Variants in AGBL4 observed in about 807,000 individuals in gnomAD.
The protein encoded by AGBL4 is cytosolic carboxypeptidase 6.
In AGBL4, 58 loss-of-function variants were observed where a neutral mutation model predicts 66.4. The ratio of observed to expected loss-of-function variants is 0.87; its 90% CI spans 0.71 to 1.09. AGBL4 has a LOEUF of 1.09. Among genes scored for constraint, AGBL4 ranks in the 50% least tolerant of loss-of-function variants. The probability of loss-of-function intolerance (pLI) is 0.00; values close to 1 mark genes in which losing one functional copy is unlikely to be tolerated. For missense variants in AGBL4, 579 were observed against 631.0 expected (o/e 0.92, Z 0.88); for synonymous variants, 234 against 222.9 (o/e 1.05, Z -0.44).
At chr1:48,777,258 A>G (rs1447448279) in intron 6 of AGBL4, among the ~76,000 whole-genome samples, 2 of 152,292 alleles carry the variant, frequency 1.3e-5, no homozygotes. Flanking sequence ...TGCTTCAACA[A>G]TCGCGCTGCC....
At chr1:49,851,294 T>A in intron 2 of AGBL4, 102 bp downstream of exon 2, 2 of 1,252,446 alleles carry the variant, frequency 1.6e-6, no homozygotes, top group Non-Finnish European at 2.1e-6. Context: ...TGTGAAATAT[T>A]AAATGAGTTG....
At chr1:49,591,640 A>C in intron 3 of AGBL4, among the ~76,000 whole-genome samples, 1 of 152,200 alleles carries the variant, frequency 6.6e-6, no homozygotes, top group African/African-American at 2.4e-5. Context: ...GGCAATTCTA[A>C]GCAAAAATAA....
intron 3 of AGBL4, among the ~76,000 whole-genome samples, chr1:49,630,626 T>C (rs1197229899): frequency 6.6e-6 from 1 of 152,196 alleles, no homozygotes; most frequent in Non-Finnish European, 1.5e-5. Flanking sequence ...CTAGCCTGTT[T>C]AATCAATCAC....
chr1:48,946,969 A>G (rs1421667954), intron 5 of AGBL4, among the ~76,000 whole-genome samples: 1 of 152,194 alleles, frequency 6.6e-6, no homozygotes, highest in African/African-American at 2.4e-5. Flanking sequence ...TCTGCATCTC[A>G]GAGTCTAAAC....
chr1:50,008,861 C>T (rs1661326300), intron 1 of AGBL4, among the ~76,000 whole-genome samples: 1 of 151,972 alleles, frequency 6.6e-6, no homozygotes, highest in South Asian at 2.1e-4. Flanking sequence ...CATTAGAGGC[C>T]ATCATGACCA....
intron 4 of AGBL4, among the ~76,000 whole-genome samples, chr1:49,234,193 C>G (rs1650538570): frequency 1.3e-5 from 2 of 152,116 alleles, no homozygotes; most frequent in Non-Finnish European, 1.5e-5. Context: ...TTGGCCTACC[C>G]AAACATAGGC....
At chr1:49,677,350 T>C (rs896792672) in intron 3 of AGBL4, among the ~76,000 whole-genome samples, 1 of 152,172 alleles carries the variant, frequency 6.6e-6, no homozygotes, top group Admixed American at 6.6e-5. Context: ...TCAACTGATA[T>C]GATCATGTGA....
chr1:49,812,325 T>C (rs1357323208), intron 2 of AGBL4, among the ~76,000 whole-genome samples: 5 of 152,146 alleles, frequency 3.3e-5, no homozygotes, highest in East Asian at 1.9e-4. Flanking sequence ...GAAATATCCA[T>C]AGGGATCCCT....
chr1:49,751,969 CTT>C (rs561445229), intron 2 of AGBL4, among the ~76,000 whole-genome samples: 4 of 141,948 alleles, frequency 2.8e-5, no homozygotes, highest in Non-Finnish European at 3.1e-5. Context: ...TCTCTCTTTT[CTT>C]TTTTTTTTTT....
chr1:50,010,776 T>A (rs773880360), intron 1 of AGBL4, among the ~76,000 whole-genome samples: 7 of 152,098 alleles, frequency 4.6e-5, no homozygotes, highest in Non-Finnish European at 8.8e-5. Context: ...TGCAGAAAAA[T>A]AAAACTAGAC....
chr1:49,650,355 T>G (rs533400459), intron 3 of AGBL4, among the ~76,000 whole-genome samples: 4 of 152,280 alleles, frequency 2.6e-5, no homozygotes, highest in African/African-American at 9.6e-5. Flanking sequence ...TGAGAGTGTT[T>G]CTTTGCTCCC....
rs1308828663 is a variant in AGBL4, at chr1:49,298,882, A to T, written c.283-53018T>A. On this transcript the variant is annotated intron_variant, in intron 3 of 13. Transcript: ENST00000371839. ...TCTCTGCCTTAGTCTGACATTCATGATCCTCTGCAATCTAGCCACTCGTAT... is the reference window on the plus strand; with the variant it reads ...TCTCTGCCTTAGTCTGACATTCATGTTCCTCTGCAATCTAGCCACTCGTAT... 2.0e-5 allele frequency among the ~76,000 whole-genome samples: 3 copies of T among 152,136 alleles called. No homozygotes were observed. The East Asian group carries it at 5.8e-4, about 29-fold the overall frequency.
chr1:49,760,519 C>A (rs1652225818), intron 2 of AGBL4, among the ~76,000 whole-genome samples: 1 of 152,100 alleles, frequency 6.6e-6, no homozygotes, highest in African/African-American at 2.4e-5. Flanking sequence ...AGTCAGGAAA[C>A]AATAGATGCT....
chr1:49,192,442 G>C (rs1647139166), intron 4 of AGBL4, among the ~76,000 whole-genome samples: 1 of 152,168 alleles, frequency 6.6e-6, no homozygotes, highest in African/African-American at 2.4e-5. Context: ...GGGATTATAG[G>C]CACACGCCAC....
intron 3 of AGBL4, among the ~76,000 whole-genome samples, chr1:49,603,498 C>G (rs1645000925): frequency 2.6e-5 from 4 of 151,020 alleles, no homozygotes; most frequent in Non-Finnish European, 2.9e-5. Context: ...GCACTCCAGC[C>G]TGGGCGACAG....
intron 1 of AGBL4, among the ~76,000 whole-genome samples, chr1:49,998,034 A>G (rs759343828): frequency 1.1e-4 from 17 of 152,034 alleles, no homozygotes; most frequent in Non-Finnish European, 2.2e-4. Context: ...CACATCTCAC[A>G]GAACTAGAGA....
At chr1:48,813,312 T>A (rs1646100267) in intron 6 of AGBL4, among the ~76,000 whole-genome samples, 1 of 152,138 alleles carries the variant, frequency 6.6e-6, no homozygotes, top group East Asian at 1.9e-4. Context: ...CATATTGTTT[T>A]AGAGAAATAC....
intron 1 of AGBL4, among the ~76,000 whole-genome samples, chr1:49,860,447 C>G (rs1646540654): frequency 1.3e-5 from 2 of 152,222 alleles, no homozygotes; most frequent in African/African-American, 4.8e-5. Context: ...CCTGTAGACC[C>G]ACCACTTTGG....
chr1:49,841,114 C>T (rs1645979070), intron 2 of AGBL4, among the ~76,000 whole-genome samples: 1 of 152,204 alleles, frequency 6.6e-6, no homozygotes, highest in Non-Finnish European at 1.5e-5. Flanking sequence ...CTAGAGACTC[C>T]AGCAAAGGGC....
Sources: allele counts gnomAD v4.1 joint callset (sites outside exome capture counted in the v4.1 genomes callset), GRCh38; gene constraint gnomAD v4.1.1; transcripts MANE v1.5; gene names NCBI Gene and HGNC (gene_info 2026-07-23, HGNC 2026-07-21).